The following CADM2 variants were observed in gnomAD, a reference collection of about 807,000 sequenced individuals.
The protein encoded by CADM2 is cell adhesion molecule 2.
In CADM2, 12 loss-of-function variants were observed where a neutral mutation model predicts 49.8. That is an observed-to-expected ratio of 0.24 (90% CI 0.15 to 0.39). The LOEUF is 0.39. Ranked by LOEUF, CADM2 falls within the 10% of genes least tolerant of loss-of-function variation. CADM2 has a pLI of 1.00. For synonymous variants in CADM2, 214 were observed against 175.4 expected (o/e 1.22, Z -1.74); for missense variants, 378 against 492.3 (o/e 0.77, Z 2.20).
intron 1 of CADM2, among the ~76,000 whole-genome samples, chr3:85,047,259 ACT>A (rs1259049095): frequency 2.0e-5 from 3 of 152,012 alleles, no homozygotes; most frequent in Non-Finnish European, 2.9e-5. Flanking sequence ...CTTGCTGGTC[ACT>A]CTCACACCAC....
At chr3:85,952,055 AT>A (rs1723492494) in intron 7 of CADM2, among the ~76,000 whole-genome samples, 1 of 150,844 alleles carries the variant, frequency 6.6e-6, no homozygotes, top group Non-Finnish European at 1.5e-5. Context: ...AACTGAACAA[AT>A]AGAAGTTTGT....
intron 1 of CADM2, among the ~76,000 whole-genome samples, chr3:85,106,881 A>G (rs2038247714): frequency 6.6e-6 from 1 of 152,182 alleles, no homozygotes; most frequent in African/African-American, 2.4e-5. Context: ...ACTATTGTCT[A>G]CACAAATAGT....
At chr3:85,225,237 A>G (rs776489788) in intron 1 of CADM2, among the ~76,000 whole-genome samples, 3 of 152,092 alleles carry the variant, frequency 2.0e-5, no homozygotes, top group Non-Finnish European at 4.4e-5. Flanking sequence ...CCATGATCAT[A>G]GAATGTTCTT....
chr3:85,396,850 A>T (rs762112399), intron 1 of CADM2, among the ~76,000 whole-genome samples: 1 of 152,086 alleles, frequency 6.6e-6, no homozygotes, highest in Non-Finnish European at 1.5e-5. Flanking sequence ...TTTGCGAATG[A>T]TTGCTTAGAC....
chr3:85,955,328 A>G (rs1339567228), intron 7 of CADM2, among the ~76,000 whole-genome samples: 2 of 151,448 alleles, frequency 1.3e-5, no homozygotes, highest in Admixed American at 1.3e-4. Flanking sequence ...CACTGTTTGG[A>G]AAAAGGAGAG....
At chr3:85,938,050 A>C (rs1020473484) in intron 7 of CADM2, among the ~76,000 whole-genome samples, 8 of 152,152 alleles carry the variant, frequency 5.3e-5, no homozygotes, top group South Asian at 2.1e-4. Context: ...CATTAAAGTT[A>C]GAATCAACTT....
intron 5 of CADM2, among the ~76,000 whole-genome samples, chr3:85,895,240 T>C (rs935615237): frequency 5.3e-5 from 8 of 152,180 alleles, no homozygotes; most frequent in African/African-American, 1.9e-4. Flanking sequence ...GTGACCTGGA[T>C]GTGGGAGCCC....
At chr3:85,565,569 A>G (rs2062231867) in intron 1 of CADM2, among the ~76,000 whole-genome samples, 1 of 152,116 alleles carries the variant, frequency 6.6e-6, no homozygotes, top group Admixed American at 6.5e-5. Flanking sequence ...CCATAAAAAA[A>G]TACCTTTATT....
intron 1 of CADM2, among the ~76,000 whole-genome samples, chr3:85,678,575 A>G (rs73143378): frequency 0.027 from 4,155 of 152,312 alleles, 139 homozygotes; most frequent in African/African-American, 0.068. Context: ...TTAAGAATCT[A>G]TAATCATGGC....
intron 1 of CADM2, among the ~76,000 whole-genome samples, chr3:85,488,385 T>A (rs2039518561): frequency 6.6e-6 from 1 of 152,164 alleles, no homozygotes; most frequent in South Asian, 2.1e-4. Flanking sequence ...TGCTGAAACC[T>A]ATTAAGATCC....
chr3:85,895,823 G>A (rs1011380545), intron 5 of CADM2, among the ~76,000 whole-genome samples: 2 of 152,144 alleles, frequency 1.3e-5, no homozygotes, highest in Admixed American at 6.5e-5. Context: ...CTCCTCCTGT[G>A]CTTTCTGCCA....
At chr3:85,977,431 G>T (rs1407623793) in intron 8 of CADM2, among the ~76,000 whole-genome samples, 1 of 151,236 alleles carries the variant, frequency 6.6e-6, no homozygotes, top group Non-Finnish European at 1.5e-5. Flanking sequence ...GGAAGATATT[G>T]GTCTTTGCAG....
intron 1 of CADM2, among the ~76,000 whole-genome samples, chr3:85,245,490 G>A (rs540959387): frequency 2.0e-5 from 3 of 150,164 alleles, no homozygotes; most frequent in Non-Finnish European, 3.0e-5. Context: ...CCAGCCTGGC[G>A]ACAGATTGAG....
chr3:85,938,525 G>A (rs1721452765), intron 7 of CADM2, among the ~76,000 whole-genome samples: 1 of 151,982 alleles, frequency 6.6e-6, no homozygotes, highest in South Asian at 2.1e-4. Context: ...ATATAATGGG[G>A]AGTCTTGCAT....
intron 3 of CADM2, among the ~76,000 whole-genome samples, chr3:85,805,170 C>G (rs1304393458): frequency 6.6e-6 from 1 of 152,092 alleles, no homozygotes; most frequent in Non-Finnish European, 1.5e-5. Context: ...GCTGCAACTC[C>G]TGAGCTCAAG....
chr3:85,691,404 G>A (rs997560949), intron 1 of CADM2, among the ~76,000 whole-genome samples: 21 of 152,136 alleles, frequency 1.4e-4, no homozygotes, highest in African/African-American at 3.9e-4. Flanking sequence ...TAAACATTTC[G>A]CAATATTCTT....
At chr3:85,459,458 TGA>T (rs1255944798) in intron 1 of CADM2, among the ~76,000 whole-genome samples, 1 of 152,082 alleles carries the variant, frequency 6.6e-6, no homozygotes, top group Non-Finnish European at 1.5e-5. Flanking sequence ...CTGCCAGTAG[TGA>T]GAAGGGAAAG....
chr3:85,806,182 G>A (rs1050521404), intron 3 of CADM2, among the ~76,000 whole-genome samples: 2 of 151,244 alleles, frequency 1.3e-5, no homozygotes, highest in African/African-American at 4.9e-5. Flanking sequence ...GAGGGAGGGA[G>A]GGAGGGAGGA....
intron 3 of CADM2, among the ~76,000 whole-genome samples, chr3:85,818,785 T>C (rs1427833781): frequency 6.6e-6 from 1 of 152,008 alleles, no homozygotes; most frequent in Admixed American, 6.6e-5. Flanking sequence ...TAAAAATGAT[T>C]TTAGCAGCTA....
Sources: allele counts gnomAD v4.1 joint callset (sites outside exome capture counted in the v4.1 genomes callset), GRCh38; gene constraint gnomAD v4.1.1; transcripts MANE v1.5; gene names NCBI Gene and HGNC (gene_info 2026-07-23, HGNC 2026-07-21).